Variants in PSD3 observed in about 807,000 individuals in gnomAD.
The protein encoded by PSD3 is pleckstrin and Sec7 domain containing 3, also known as PH and SEC7 domain-containing protein 3.
A neutral mutation model predicts 105.5 loss-of-function variants in PSD3; 49 were observed. The observed-to-expected ratio is 0.46, with a 90% CI of 0.37 to 0.59. The LOEUF is 0.59. Among genes scored for constraint, PSD3 ranks in the 20% least tolerant of loss-of-function variants. PSD3 has a pLI of 0.00. For missense variants in PSD3, 1,561 were observed against 1,263.8 expected, an observed-to-expected ratio of 1.24 and a Z score of -3.57; for synonymous variants, 557 against 457.8, an observed-to-expected ratio of 1.22 and a Z score of -2.77.
At chr8:18,627,754 A>G (rs73213628) in intron 11 of PSD3, among the ~76,000 whole-genome samples, 1 of 151,812 alleles carries the variant, frequency 6.6e-6, no homozygotes, top group Non-Finnish European at 1.5e-5. Flanking sequence ...CACCTGAAAA[A>G]TGGAAAATTC....
chr8:19,033,430 G>A (rs1404190461), intron 1 of PSD3, among the ~76,000 whole-genome samples: 5 of 151,870 alleles, frequency 3.3e-5, no homozygotes, highest in Admixed American at 3.3e-4. Context: ...GTTTACTTTT[G>A]ATTCTCTCTA....
At chr8:18,999,738 C>T (rs1200992607) in intron 1 of PSD3, among the ~76,000 whole-genome samples, 5 of 151,606 alleles carry the variant, frequency 3.3e-5, no homozygotes, top group Admixed American at 3.3e-4. Context: ...TGTATACTAA[C>T]TACACCACCC....
chr8:18,723,083 AAACG>A (rs1803110700), intron 9 of PSD3, among the ~76,000 whole-genome samples: 1 of 152,188 alleles, frequency 6.6e-6, no homozygotes, highest in South Asian at 2.1e-4. Context: ...ACAAAGAAAC[AAACG>A]AACAAACAAA....
intron 1 of PSD3, among the ~76,000 whole-genome samples, chr8:19,034,957 T>G (rs569285617): frequency 2.2e-3 from 327 of 151,908 alleles, no homozygotes; most frequent in Non-Finnish European, 3.4e-3. Flanking sequence ...CAAATTTTTT[T>G]GAGGCCTCTT....
At chr8:18,740,001 C>G (rs763413551) in intron 9 of PSD3, among the ~76,000 whole-genome samples, 3 of 152,178 alleles carry the variant, frequency 2.0e-5, no homozygotes, top group Admixed American at 1.3e-4. Flanking sequence ...GGATAACAGA[C>G]TGCGTAGTAA....
At position 18,818,954 on chromosome 8, in the gene PSD3, T is replaced by A. The variant is rs558573716; in HGVS notation, c.1635-14056A>T. On this transcript the variant is annotated intron_variant, in intron 4 of 15. Coordinates refer to ENST00000327040, the MANE Select transcript of PSD3 (RefSeq NM_015310.4). ...AGGTAAACAAGCAGAATTCAGGGCATGTCTGCCTGTTACATCAGAGACCCT... is the reference window on the plus strand; with the variant it reads ...AGGTAAACAAGCAGAATTCAGGGCAAGTCTGCCTGTTACATCAGAGACCCT... 2.6e-5 allele frequency among the ~76,000 whole-genome samples: 4 copies of A among 152,268 alleles called. No homozygotes were observed. The East Asian group carries it at 7.8e-4, about 30-fold the overall frequency.
chr8:18,786,188 A>G (rs74538096), intron 8 of PSD3, among the ~76,000 whole-genome samples: 2,564 of 152,288 alleles, frequency 0.017, 88 homozygotes, highest in East Asian at 0.12. Flanking sequence ...TGGGTGACAC[A>G]GCGAGACTCC....
intron 8 of PSD3, among the ~76,000 whole-genome samples, chr8:18,771,595 G>C (rs555874271): frequency 3.3e-5 from 5 of 152,294 alleles, no homozygotes; most frequent in African/African-American, 1.2e-4. Flanking sequence ...TTACTGGAAA[G>C]ACTACTTTTC....
At chr8:18,565,560 T>G (rs2130255238) in intron 14 of PSD3, among the ~76,000 whole-genome samples, 1 of 146,064 alleles carries the variant, frequency 6.8e-6, no homozygotes, top group East Asian at 2.1e-4. Context: ...ACACTGTGTC[T>G]TGAAAAAGCA....
At chr8:18,835,103 A>G (rs1364073790) in intron 4 of PSD3, among the ~76,000 whole-genome samples, 1 of 152,222 alleles carries the variant, frequency 6.6e-6, no homozygotes, top group African/African-American at 2.4e-5. Context: ...ACAGGCACTC[A>G]TACATTAAAG....
intron 2 of PSD3, among the ~76,000 whole-genome samples, chr8:18,877,685 G>C (rs886322963): frequency 6.6e-6 from 1 of 151,614 alleles, no homozygotes; most frequent in African/African-American, 2.4e-5. Context: ...GGGGCTATAC[G>C]CATGCACCAC....
At chr8:18,792,214 G>C (rs1809788225) in intron 8 of PSD3, among the ~76,000 whole-genome samples, 1 of 151,968 alleles carries the variant, frequency 6.6e-6, no homozygotes, top group Admixed American at 6.6e-5. Context: ...CCCATTACTG[G>C]GTATATATGT....
chr8:18,604,140 G>A (rs1289110966), intron 11 of PSD3, among the ~76,000 whole-genome samples: 1 of 152,178 alleles, frequency 6.6e-6, no homozygotes, highest in Non-Finnish European at 1.5e-5. Context: ...ACAGGAAGAT[G>A]ACTGAAAGTT....
chr8:19,057,686 C>T (rs1477475341), intron 1 of PSD3, among the ~76,000 whole-genome samples: 1 of 152,064 alleles, frequency 6.6e-6, no homozygotes, highest in African/African-American at 2.4e-5. Context: ...CCTCCAAGAC[C>T]CCAAATAGGT....
At chr8:18,741,465 T>C (rs61314855) in intron 9 of PSD3, among the ~76,000 whole-genome samples, 3,929 of 152,254 alleles carry the variant, frequency 0.026, 143 homozygotes, top group African/African-American at 0.088. Context: ...GCTTATATCA[T>C]ATTAAAATCT....
chr8:18,824,650 T>C (rs76090091), intron 4 of PSD3, among the ~76,000 whole-genome samples: 1 of 152,280 alleles, frequency 6.6e-6, no homozygotes, highest in African/African-American at 2.4e-5. Flanking sequence ...CATCTATCAC[T>C]GGCTAAGGCA....
At position 18,535,798 on chromosome 8, in the gene PSD3, G is replaced by A; in HGVS notation, c.3089C>T (p.Ser1030Leu). 6.2e-7 allele frequency: 1 copy of A among 1,614,108 alleles called. No individual in the cohort carries two copies. Among genetic ancestry groups the A allele is most frequent in the Non-Finnish European group, 8.5e-7 (1 of 1,179,992 alleles). The change falls in exon 16 of 16, where the codon TCA becomes TTA. Residue 1030 changes from serine to leucine, a missense_variant. Ser to Leu is a moderately radical substitution (Grantham distance 145). Transcript: ENST00000327040. ...PITAKVKRNV[S>L]ERKDHRPETP... The stretch of plus-strand genomic sequence containing the variant: ...TTCAGGTCGGTGATCCTTCCTCTCT[G>A]ACACGTTACGCTTGACTTTGGCAGT...
chr8:18,819,575 ATTTTTT>A (rs746931460), intron 4 of PSD3, among the ~76,000 whole-genome samples: 91 of 111,316 alleles, frequency 8.2e-4, no homozygotes, highest in Admixed American at 2.0e-3. Context: ...ATTAGAATGG[ATTTTTT>A]TTTTTTTTTT....
intron 2 of PSD3, among the ~76,000 whole-genome samples, chr8:18,917,195 C>G (rs921503477): frequency 1.3e-5 from 2 of 152,206 alleles, no homozygotes; most frequent in Admixed American, 1.3e-4. Context: ...TCTTCTGTAT[C>G]TCCACTGCCT....
Sources: allele counts gnomAD v4.1 joint callset (sites outside exome capture counted in the v4.1 genomes callset), GRCh38; gene constraint gnomAD v4.1.1; transcripts MANE v1.5; gene names NCBI Gene and HGNC (gene_info 2026-07-23, HGNC 2026-07-21).